Variants in LUZP2 observed in about 807,000 individuals in gnomAD.
LUZP2 encodes leucine zipper protein 2.
Under a neutral mutation model 51.6 loss-of-function variants are expected in LUZP2, and 52 were observed. The observed-to-expected ratio is 1.01, with a 90% confidence interval of 0.81 to 1.27. The LOEUF is 1.27. Among genes scored for constraint, LUZP2 ranks in the 50% most tolerant of loss-of-function variants. The pLI is 0.00. For synonymous variants in LUZP2, 154 were observed against 137.3 expected, an observed-to-expected ratio of 1.12 and a Z score of -0.85; for missense variants, 436 against 395.4, an observed-to-expected ratio of 1.10 and a Z score of -0.87.
intron 1 of LUZP2, among the ~76,000 whole-genome samples, chr11:24,541,357 A>G (rs887732976): frequency 6.6e-6 from 1 of 151,664 alleles, no homozygotes; most frequent in Non-Finnish European, 1.5e-5. Context: ...TGCTTGAAGG[A>G]GAAATATTAA....
chr11:24,998,189 G>C (rs1237731433), intron 9 of LUZP2, among the ~76,000 whole-genome samples: 2 of 152,116 alleles, frequency 1.3e-5, no homozygotes, highest in African/African-American at 4.8e-5. Context: ...GGATGGCATT[G>C]AATCTGTAAA....
intron 9 of LUZP2, among the ~76,000 whole-genome samples, chr11:25,011,505 A>G (rs1193463370): frequency 6.6e-6 from 1 of 152,132 alleles, no homozygotes; most frequent in Non-Finnish European, 1.5e-5. Context: ...CTAAGACTAG[A>G]CTACAGTGAA....
chr11:24,953,450 A>G (rs935115117), intron 7 of LUZP2, among the ~76,000 whole-genome samples: 5 of 151,976 alleles, frequency 3.3e-5, no homozygotes, highest in Non-Finnish European at 7.4e-5. Flanking sequence ...CACACTTGTC[A>G]TTAAAGTTAA....
chr11:24,728,412 G>T, intron 1 of LUZP2, among the ~76,000 whole-genome samples: 1 of 151,872 alleles, frequency 6.6e-6, no homozygotes, highest in East Asian at 1.9e-4. Context: ...TGCCTCCCCT[G>T]CTTCTGCTCT....
intron 1 of LUZP2, among the ~76,000 whole-genome samples, chr11:24,615,775 G>T (rs1854264478): frequency 6.6e-6 from 1 of 151,420 alleles, no homozygotes; most frequent in African/African-American, 2.4e-5. Context: ...CAATGTATTT[G>T]TGACCCAGCT....
chr11:24,986,478 T>C lies in LUZP2; in HGVS notation c.765+3185T>C, dbSNP rs114011762. On this transcript the variant is annotated intron_variant, in intron 9 of 11. Coordinates refer to ENST00000336930, the MANE Select transcript of LUZP2 (RefSeq NM_001009909.4). ...ATTGGTAACATTTATACTGTAGAAA[T>C]TGACTAACACTATAAATCAGGGTCC... is the stretch of plus-strand genomic sequence containing the variant. Among the ~76,000 whole-genome samples, 1,127 of 151,386 alleles carry C rather than the reference T, an allele frequency of 7.4e-3. 11 individuals are homozygous for C. Among genetic ancestry groups the C allele is most frequent in the African/African-American group, 0.026 (1,066 of 41,374 alleles).
At chr11:24,550,713 T>C (rs1012049372) in intron 1 of LUZP2, among the ~76,000 whole-genome samples, 6 of 152,106 alleles carry the variant, frequency 3.9e-5, no homozygotes, top group Non-Finnish European at 8.8e-5. Flanking sequence ...CTCTTTTTCT[T>C]GTTGTCTAAA....
In LUZP2 at chr11:24,999,900, T is replaced by C. The variant is rs75759509; in HGVS notation, c.765+16607T>C. ...CCAAAGAGTGAGCAGCAGCAAGATTTATTGTGAAGAGTGAAAAAACAAAGC... is the reference window on the plus strand; with the variant it reads ...CCAAAGAGTGAGCAGCAGCAAGATTCATTGTGAAGAGTGAAAAAACAAAGC... On this transcript the variant is annotated intron_variant, in intron 9 of 11. Coordinates refer to ENST00000336930, the MANE Select transcript of LUZP2 (RefSeq NM_001009909.4). Among the ~76,000 whole-genome samples, 487 of 152,112 alleles carry C rather than the reference T, an allele frequency of 3.2e-3. 6 individuals are homozygous for C. Among genetic ancestry groups the C allele is most frequent in the East Asian group, 0.025 (128 of 5,146 alleles).
At chr11:24,960,839 A>T (rs548487576) in intron 7 of LUZP2, among the ~76,000 whole-genome samples, 1 of 151,868 alleles carries the variant, frequency 6.6e-6, no homozygotes, top group Non-Finnish European at 1.5e-5. Context: ...TTGTGATGTT[A>T]GGGTGTCAGT....
chr11:24,979,688 A>C (rs972961871), intron 8 of LUZP2, among the ~76,000 whole-genome samples: 1 of 151,858 alleles, frequency 6.6e-6, no homozygotes, highest in Non-Finnish European at 1.5e-5. Context: ...CTTATGAATT[A>C]TATATAGTTG....
intron 9 of LUZP2, among the ~76,000 whole-genome samples, chr11:25,033,110 C>T (rs1256247339): frequency 2.0e-5 from 3 of 152,068 alleles, no homozygotes; most frequent in Non-Finnish European, 4.4e-5. Context: ...AGGTTACAGC[C>T]ATTAGTCCTG....
rs1435878806 is a variant in LUZP2 at position 24,742,833 on chromosome 11, AG to A, written c.333+4532del. 1.1e-4 allele frequency among the ~76,000 whole-genome samples: 17 copies of A among 152,260 alleles called. No individual in the cohort carries two copies. In the East Asian group the frequency reaches 3.3e-3, roughly 29 times the overall value. ...TAGAAATTTTATAGTTTCAGGTCTT[AG>A]ATATAAGTCCTTAATCTATCTTGAG... On this transcript the variant is annotated intron_variant, in intron 4 of 11. Transcript: ENST00000336930.
chr11:24,552,489 A>G (rs1410269952), intron 1 of LUZP2, among the ~76,000 whole-genome samples: 3 of 152,018 alleles, frequency 2.0e-5, no homozygotes, highest in African/African-American at 4.8e-5. Flanking sequence ...AAACAATATT[A>G]TCTAGACTTT....
intron 9 of LUZP2, among the ~76,000 whole-genome samples, chr11:24,991,390 G>GTATATATATATA (rs748533379): frequency 2.2e-4 from 14 of 63,514 alleles, no homozygotes; most frequent in Non-Finnish European, 5.2e-4. Flanking sequence ...GTGTGTGTGT[G>GTATATATATATA]TGTGTGTATA....
intron 1 of LUZP2, among the ~76,000 whole-genome samples, chr11:24,641,797 G>A (rs1189136763): frequency 6.6e-6 from 1 of 151,618 alleles, no homozygotes; most frequent in East Asian, 1.9e-4. Context: ...TAAATAAATT[G>A]GCAAAAAATT....
intron 1 of LUZP2, among the ~76,000 whole-genome samples, chr11:24,638,307 T>C (rs1855170773): frequency 6.6e-6 from 1 of 151,366 alleles, no homozygotes; most frequent in African/African-American, 2.4e-5. Context: ...AAAATTAATT[T>C]CCCCAAATAG....
chr11:24,991,080 T>C (rs1184618236), intron 9 of LUZP2, among the ~76,000 whole-genome samples: 1 of 152,036 alleles, frequency 6.6e-6, no homozygotes, highest in Non-Finnish European at 1.5e-5. Flanking sequence ...CAGAGCAGTA[T>C]ACACTGCACC....
At chr11:24,985,635 G>C (rs1856167708) in intron 9 of LUZP2, among the ~76,000 whole-genome samples, 1 of 151,680 alleles carries the variant, frequency 6.6e-6, no homozygotes, top group African/African-American at 2.4e-5. Context: ...TAAATGGGAA[G>C]CATGAAGGCA....
At chr11:24,650,896 C>T (rs1184444194) in intron 1 of LUZP2, among the ~76,000 whole-genome samples, 4 of 152,000 alleles carry the variant, frequency 2.6e-5, no homozygotes, top group South Asian at 2.1e-4. Flanking sequence ...GATTTCTGAA[C>T]TTTTGTAAGT....
Sources: allele counts gnomAD v4.1 joint callset (sites outside exome capture counted in the v4.1 genomes callset), GRCh38; gene constraint gnomAD v4.1.1; transcripts MANE v1.5; gene names NCBI Gene and HGNC (gene_info 2026-07-23, HGNC 2026-07-21).